CLSTN2: variants seen among roughly 807,000 people sequenced by gnomAD.
CLSTN2 encodes the protein calsyntenin-2.
A neutral mutation model predicts 101.2 loss-of-function variants in CLSTN2; 48 were observed. The observed-to-expected ratio is 0.47, with a 90% CI of 0.38 to 0.60. The LOEUF is 0.60. CLSTN2 is among the 20% of genes least tolerant of loss of function. The pLI is 0.00. For missense variants in CLSTN2, 1,160 were observed against 1,238.2 expected, an observed-to-expected ratio of 0.94 and a Z score of 0.95; for synonymous variants, 481 against 463.6, an observed-to-expected ratio of 1.04 and a Z score of -0.48.
At chr3:140,466,558 G>A in intron 7 of CLSTN2, 52 bp from the exon 8 acceptor site, 1 of 1,611,842 alleles carries the variant, frequency 6.2e-7, no homozygotes, top group Non-Finnish European at 8.5e-7. Flanking sequence ...TCCTCTGGTG[G>A]AGGCTGACAC....
chr3:140,149,464 A>ATT (rs11328442), intron 1 of CLSTN2, among the ~76,000 whole-genome samples: 4 of 151,174 alleles, frequency 2.6e-5, no homozygotes, highest in African/African-American at 9.7e-5. Flanking sequence ...GATAAATAGC[A>ATT]TTTTTTTTTT....
At chr3:140,196,413 G>A (rs891852832) in intron 2 of CLSTN2, among the ~76,000 whole-genome samples, 1 of 152,228 alleles carries the variant, frequency 6.6e-6, no homozygotes. Flanking sequence ...GAAGGCAGAA[G>A]CAGTTGTCTC....
chr3:140,180,197 G>A (rs532846680), intron 2 of CLSTN2, among the ~76,000 whole-genome samples: 54 of 152,322 alleles, frequency 3.5e-4, no homozygotes, highest in African/African-American at 1.3e-3. Flanking sequence ...CTGCCAGTTG[G>A]CAGGGGAGAT....
intron 2 of CLSTN2, among the ~76,000 whole-genome samples, chr3:140,379,445 G>T (rs1048307658): frequency 6.6e-6 from 1 of 152,170 alleles, no homozygotes; most frequent in African/African-American, 2.4e-5. Flanking sequence ...TCTGTGGATT[G>T]TAGGGAAATC....
At chr3:140,124,658 G>A (rs2009400879) in intron 1 of CLSTN2, among the ~76,000 whole-genome samples, 1 of 152,156 alleles carries the variant, frequency 6.6e-6, no homozygotes, top group Non-Finnish European at 1.5e-5. Context: ...TATGGGGGCA[G>A]CCATCAGAGG....
At chr3:140,352,776 CT>C (rs2087623554) in intron 2 of CLSTN2, among the ~76,000 whole-genome samples, 1 of 152,120 alleles carries the variant, frequency 6.6e-6, no homozygotes, top group Admixed American at 6.5e-5. Context: ...CTGTTATCTT[CT>C]TCAGAGCAGG....
At chr3:140,091,471 G>A (rs532382119) in intron 1 of CLSTN2, among the ~76,000 whole-genome samples, 2 of 152,124 alleles carry the variant, frequency 1.3e-5, no homozygotes, top group Non-Finnish European at 2.9e-5. Flanking sequence ...AAACACCAGA[G>A]CCTGCCTGGG....
chr3:140,175,943 T>C lies in CLSTN2; in HGVS notation c.110-8T>C. On this transcript the variant is annotated splice_region_variant and splice_polypyrimidine_tract_variant and intron_variant, in intron 1 of 16. Coordinates refer to ENST00000458420, the MANE Select transcript of CLSTN2 (RefSeq NM_022131.3). ...GATCCTTTTTGTTTTTTCCCCCTTA[T>C]TTTCTAGTCAATAAGCACAAGCCAT... The C allele has an allele frequency of 6.2e-7, 1 of 1,608,112 alleles. No individual in the cohort carries two copies. The highest frequency in any genetic ancestry group is 1.1e-5 in the South Asian group (1 of 90,160).
intron 5 of CLSTN2, among the ~76,000 whole-genome samples, chr3:140,426,921 T>C (rs996214645): frequency 1.3e-5 from 2 of 152,056 alleles, no homozygotes; most frequent in Non-Finnish European, 2.9e-5. Flanking sequence ...ACACCTGTAA[T>C]CCTAGCACTT....
At chr3:140,266,161 A>AC (rs1156232400) in intron 2 of CLSTN2, among the ~76,000 whole-genome samples, 4 of 151,914 alleles carry the variant, frequency 2.6e-5, no homozygotes, top group Non-Finnish European at 5.9e-5. Flanking sequence ...GTATTGGCAC[A>AC]CCCCCCATTA....
rs1490487662 is a variant in CLSTN2 at position 140,040,618 on chromosome 3, A to C, written c.109+105135A>C. On this transcript the variant is annotated intron_variant, in intron 1 of 16. Transcript: ENST00000458420. Reference sequence around the variant, plus strand: ...CATCTGAATTCTGCCCGGGGTCTGAATATTTTATTCAGTGCTGATGGCTTT... The same window carrying C: ...CATCTGAATTCTGCCCGGGGTCTGACTATTTTATTCAGTGCTGATGGCTTT... 3.9e-5 allele frequency among the ~76,000 whole-genome samples: 6 copies of C among 152,152 alleles called. No homozygotes were observed. The East Asian group carries it at 1.2e-3, about 30-fold the overall frequency.
intron 5 of CLSTN2, among the ~76,000 whole-genome samples, chr3:140,447,632 C>T (rs1933116051): frequency 1.3e-5 from 2 of 152,240 alleles, no homozygotes; most frequent in African/African-American, 4.8e-5. Context: ...ACTCACAGTT[C>T]TGAGTGTCTG....
At chr3:140,261,145 C>T (rs6793849) in intron 2 of CLSTN2, among the ~76,000 whole-genome samples, 4,732 of 151,368 alleles carry the variant, frequency 0.031, 155 homozygotes, top group African/African-American at 0.075. Context: ...ATACATAACC[C>T]ACACCTTCTT....
chr3:140,437,055 T>TG (rs1337870903), intron 5 of CLSTN2, among the ~76,000 whole-genome samples: 5 of 150,048 alleles, frequency 3.3e-5, no homozygotes, highest in African/African-American at 9.9e-5. Flanking sequence ...GTTTGGTTTT[T>TG]TTTTTTTTTT....
chr3:140,290,234 C>T (rs1051278789), intron 2 of CLSTN2, among the ~76,000 whole-genome samples: 6 of 152,054 alleles, frequency 3.9e-5, no homozygotes, highest in African/African-American at 1.2e-4. Context: ...ACAGTTAGTT[C>T]AGTGAATAGT....
intron 1 of CLSTN2, among the ~76,000 whole-genome samples, chr3:139,979,316 T>G (rs1281522340): frequency 6.6e-6 from 1 of 152,190 alleles, no homozygotes; most frequent in Non-Finnish European, 1.5e-5. Flanking sequence ...ACAGAGGGAA[T>G]CCAGGGTGAA....
At chr3:140,356,662 G>T (rs1206930464) in intron 2 of CLSTN2, among the ~76,000 whole-genome samples, 2 of 150,390 alleles carry the variant, frequency 1.3e-5, no homozygotes, top group Non-Finnish European at 2.9e-5. Context: ...GGAGGCTGAG[G>T]CAGGAGAATT....
chr3:140,022,986 G>A (rs1171504672), intron 1 of CLSTN2, among the ~76,000 whole-genome samples: 6 of 152,202 alleles, frequency 3.9e-5, no homozygotes, highest in Non-Finnish European at 7.3e-5. Context: ...AGAAGAAAGT[G>A]AGGCAAAATT....
chr3:140,224,789 C>CA (rs1274328752), intron 2 of CLSTN2, among the ~76,000 whole-genome samples: 2 of 152,064 alleles, frequency 1.3e-5, no homozygotes, highest in African/African-American at 4.8e-5. Flanking sequence ...CTTATGTAAC[C>CA]AAAAAACTCT....
Sources: allele counts gnomAD v4.1 joint callset (sites outside exome capture counted in the v4.1 genomes callset), GRCh38; gene constraint gnomAD v4.1.1; transcripts MANE v1.5; gene names NCBI Gene and HGNC (gene_info 2026-07-23, HGNC 2026-07-21).